ASXL2: variants seen among roughly 807,000 people sequenced by gnomAD.
The protein encoded by ASXL2 is putative Polycomb group protein ASXL2.
A neutral mutation model predicts 122.0 loss-of-function variants in ASXL2; 23 were observed. That is an observed-to-expected ratio of 0.19 (90% CI 0.14 to 0.27). ASXL2 has a LOEUF of 0.27. Ranked by LOEUF, ASXL2 falls within the 10% of genes least tolerant of loss-of-function variation. ASXL2 has a pLI of 1.00. For missense variants in ASXL2, 1,518 were observed against 1,713.8 expected (o/e 0.89, Z 2.02); for synonymous variants, 650 against 637.0 (o/e 1.02, Z -0.31).
intron 9 of ASXL2, among the ~76,000 whole-genome samples, chr2:25,758,683 T>G (rs1340032911): frequency 2.6e-5 from 4 of 151,532 alleles, no homozygotes; most frequent in Non-Finnish European, 5.9e-5. Flanking sequence ...TACTTTTGTT[T>G]TTTTTTTTTT....
chr2:25,868,011 A>G (rs2089923674), intron 1 of ASXL2, among the ~76,000 whole-genome samples: 1 of 152,222 alleles, frequency 6.6e-6, no homozygotes, highest in Non-Finnish European at 1.5e-5. Flanking sequence ...TTATTATCAT[A>G]CAGAATAAAA....
At chr2:25,843,501 A>G (rs1268086893) in intron 2 of ASXL2, among the ~76,000 whole-genome samples, 1 of 152,178 alleles carries the variant, frequency 6.6e-6, no homozygotes, top group Non-Finnish European at 1.5e-5. Context: ...GGGATGTGTT[A>G]TATAAAGTAA....
rs1252972487 is a variant in ASXL2 at position 25,781,958 on chromosome 2, GCTTTTTT to G, written c.404-10425_404-10419del. Among the ~76,000 whole-genome samples, 22 of 58,548 alleles carry G rather than the reference GCTTTTTT, an allele frequency of 3.8e-4. 2 individuals are homozygous for G. The highest frequency in any genetic ancestry group is 1.3e-3 in the South Asian group (2 of 1,590). 38.4% of individuals were successfully genotyped at this position (58,548 alleles called of 152,430 possible). Reference sequence around the variant, plus strand: ...ATAACAGGCGTGAGCCACCGCCCGGGCTTTTTTCTTTTTTTTTTTTTTTTTTTGTAGA... The same window carrying G: ...ATAACAGGCGTGAGCCACCGCCCGGGCTTTTTTTTTTTTTTTTTTTGTAGA... On this transcript the variant is annotated intron_variant, in intron 5 of 12. Coordinates refer to ENST00000435504, the MANE Select transcript of ASXL2 (RefSeq NM_018263.6).
rs1034027151 is a variant in ASXL2, at chr2:25,835,198, A to T, written c.143+340T>A. Among the ~76,000 whole-genome samples, 3 of 152,294 alleles carry T rather than the reference A, an allele frequency of 2.0e-5. No homozygotes were observed. In the East Asian group the frequency reaches 5.8e-4, roughly 29 times the overall value. On this transcript the variant is annotated intron_variant, in intron 3 of 12. Transcript: ENST00000435504. ...ATCTTACAGCCATAAAGCAAATGTT[A>T]ATATACATGTTTCCAGTCTACTAAA... is the stretch of plus-strand genomic sequence containing the variant.
At chr2:25,781,147 A>C (rs886382453) in intron 5 of ASXL2, among the ~76,000 whole-genome samples, 3 of 152,082 alleles carry the variant, frequency 2.0e-5, no homozygotes, top group Non-Finnish European at 4.4e-5. Context: ...TATAACTTTA[A>C]TTTCTTTGGA....
chr2:25,757,475 A>G (rs2088154766), intron 9 of ASXL2, among the ~76,000 whole-genome samples: 1 of 127,676 alleles, frequency 7.8e-6, no homozygotes, highest in South Asian at 2.4e-4. Flanking sequence ...CGTCTCTACT[A>G]AAAAAAAAAA....
rs199637866 is a variant in ASXL2, at chr2:25,781,674, T to TTC, written c.404-10135_404-10134insGA. 8.0e-3 allele frequency among the ~76,000 whole-genome samples: 1,202 copies of TTC among 150,052 alleles called. 14 individuals carry two copies. Among genetic ancestry groups the TTC allele is most frequent in the African/African-American group, 0.029 (1,169 of 40,816 alleles). On this transcript the variant is annotated intron_variant, in intron 5 of 12. Coordinates refer to ENST00000435504, the MANE Select transcript of ASXL2 (RefSeq NM_018263.6). ...GGACTACAGGTACACACCTGGCTTT[T>TTC]TTTTTTTTTTTTGAGACAGAGTCAT... is the stretch of plus-strand genomic sequence containing the variant.
At chr2:25,846,363 T>C (rs188728926) in intron 1 of ASXL2, among the ~76,000 whole-genome samples, 2 of 152,250 alleles carry the variant, frequency 1.3e-5, no homozygotes, top group Admixed American at 1.3e-4. Context: ...TGATTCATCT[T>C]GGCCAGGCAC....
At chr2:25,828,525 AAG>A (rs1491107051) in intron 3 of ASXL2, among the ~76,000 whole-genome samples, 1 of 147,444 alleles carries the variant, frequency 6.8e-6, no homozygotes, top group Non-Finnish European at 1.5e-5. Context: ...AAAAAATAAA[AAG>A]AAAAGATCCT....
chr2:25,810,359 T>A, intron 3 of ASXL2: 1 of 661,486 alleles, frequency 1.5e-6, no homozygotes, highest in Non-Finnish European at 2.8e-6. Flanking sequence ...ATTCCATCTT[T>A]TAAGGTCCAG....
chr2:25,799,553 C>A lies in ASXL2; in HGVS notation c.253-18G>T. On this transcript the variant is annotated intron_variant, in intron 4 of 12. Transcript: ENST00000435504. ...ACATCTTTCTGAAAATGTAGGCATCCAATTAGGATTAATCATTACCATTTA... is the reference window on the plus strand; with the variant it reads ...ACATCTTTCTGAAAATGTAGGCATCAAATTAGGATTAATCATTACCATTTA... The A allele has an allele frequency of 6.2e-7, 1 of 1,602,954 alleles. No homozygotes were observed. Among genetic ancestry groups the A allele is most frequent in the Non-Finnish European group, 8.5e-7 (1 of 1,175,448 alleles).
chr2:25,747,275 T>C (rs185845499), intron 12 of ASXL2, among the ~76,000 whole-genome samples: 7 of 152,168 alleles, frequency 4.6e-5, no homozygotes, highest in Admixed American at 2.6e-4. Flanking sequence ...CATTTGTATA[T>C]ATATAAAAGT....
intron 1 of ASXL2, among the ~76,000 whole-genome samples, chr2:25,850,595 T>C (rs1032397615): frequency 2.0e-5 from 3 of 152,246 alleles, no homozygotes; most frequent in Admixed American, 6.5e-5. Flanking sequence ...AAAACATCTA[T>C]GATCTCTTTT....
At chr2:25,789,189 T>G (rs1383248075) in intron 5 of ASXL2, among the ~76,000 whole-genome samples, 2 of 152,090 alleles carry the variant, frequency 1.3e-5, no homozygotes, top group African/African-American at 4.8e-5. Context: ...CAGTTCAATT[T>G]TTTTTATTAA....
chr2:25,874,637 T>A (rs937070451), intron 1 of ASXL2, among the ~76,000 whole-genome samples: 9 of 152,160 alleles, frequency 5.9e-5, no homozygotes, highest in African/African-American at 2.2e-4. Context: ...GGTGACAAAG[T>A]GAGACCCTGG....
At chr2:25,764,930 G>T (rs2088317902) in intron 8 of ASXL2, among the ~76,000 whole-genome samples, 1 of 152,130 alleles carries the variant, frequency 6.6e-6, no homozygotes, top group Non-Finnish European at 1.5e-5. Flanking sequence ...CCTCAAAGTG[G>T]TCAGTTTAAG....
chr2:25,834,302 G>A (rs546747291), intron 3 of ASXL2, among the ~76,000 whole-genome samples: 4 of 152,132 alleles, frequency 2.6e-5, no homozygotes, highest in Admixed American at 6.5e-5. Context: ...GCAGTGAGCC[G>A]AGACCATGCC....
At chr2:25,783,242 ACT>A (rs1167229314) in intron 5 of ASXL2, among the ~76,000 whole-genome samples, 1 of 151,708 alleles carries the variant, frequency 6.6e-6, no homozygotes, top group Non-Finnish European at 1.5e-5. Flanking sequence ...CTTCTATGAA[ACT>A]CTATTTATAC....
At position 25,744,934 on chromosome 2, in the gene ASXL2, T is replaced by TCC. The variant is rs900698976; in HGVS notation, c.1861-460_1861-459dup. ...GGGGAAAATACTTGCTCTTCTCTGT[T>TCC]CCACACACACACACACACACACACA... On this transcript the variant is annotated intron_variant, in intron 12 of 12. Transcript: ENST00000435504. This position sits in a 1 kb window ranked among gnomAD's most constrained non-coding sequence, Gnocchi z 4.7. Among the ~76,000 whole-genome samples the TCC allele has an allele frequency of 7.8e-5, 8 of 102,822 alleles. No individual in the cohort carries two copies. The South Asian group carries it at 2.5e-3, about 32-fold the overall frequency. 67.5% of individuals were successfully genotyped at this position (102,822 alleles called of 152,430 possible).
Sources: gnomAD v4.1 joint callset for allele counts (sites outside exome capture counted in the v4.1 genomes callset) on GRCh38, gnomAD v4.1.1 for gene constraint, Gnocchi (gnomAD v3.1) non-coding constraint, MANE v1.5 for transcripts, NCBI Gene and HGNC (gene_info 2026-07-23, HGNC 2026-07-21) for gene names.